The following FSTL5 variants were observed in gnomAD, a reference collection of about 807,000 sequenced individuals.
FSTL5 encodes follistatin-related protein 5.
FSTL5 carries 62 observed loss-of-function variants against 89.1 expected under a neutral mutation model. That is an observed-to-expected ratio of 0.70 (90% CI 0.57 to 0.86). The LOEUF (loss-of-function observed/expected upper bound fraction) is 0.86. FSTL5 is among the 40% of genes least tolerant of loss of function. FSTL5 has a pLI of 0.00. For synonymous variants in FSTL5, 383 were observed against 346.2 expected (o/e 1.11, Z -1.18); for missense variants, 1,057 against 1,001.6 (o/e 1.06, Z -0.75).
chr4:161,556,075 TA>T (rs1322951647), intron 8 of FSTL5, among the ~76,000 whole-genome samples: 2 of 151,616 alleles, frequency 1.3e-5, no homozygotes, highest in Non-Finnish European at 3.0e-5. Context: ...AAACCCTGTC[TA>T]AATACAATCT....
At chr4:161,393,064 T>G (rs1345552316) in intron 15 of FSTL5, among the ~76,000 whole-genome samples, 1 of 151,920 alleles carries the variant, frequency 6.6e-6, no homozygotes, top group Non-Finnish European at 1.5e-5. Flanking sequence ...CTTGGGAGGC[T>G]GCGGTGGGAG....
intron 4 of FSTL5, among the ~76,000 whole-genome samples, chr4:161,869,673 A>G (rs1223272318): frequency 6.6e-6 from 1 of 152,172 alleles, no homozygotes; most frequent in Non-Finnish European, 1.5e-5. Flanking sequence ...TGCATAGGAA[A>G]GCCCTCCAGA....
chr4:161,809,975 T>C (rs1481923623), intron 4 of FSTL5, among the ~76,000 whole-genome samples: 1 of 152,136 alleles, frequency 6.6e-6, no homozygotes, highest in Non-Finnish European at 1.5e-5. Context: ...AGTAATAGAC[T>C]CTGGAGTCAG....
intron 13 of FSTL5, among the ~76,000 whole-genome samples, chr4:161,479,140 G>A (rs1448319089): frequency 1.3e-5 from 2 of 151,968 alleles, no homozygotes; most frequent in South Asian, 4.1e-4. Context: ...AATGTGTTTA[G>A]ATACTAAGTT....
intron 5 of FSTL5, among the ~76,000 whole-genome samples, chr4:161,768,818 T>A (rs1356186630): frequency 1.3e-5 from 2 of 149,696 alleles, no homozygotes; most frequent in Admixed American, 6.7e-5. Context: ...AAACCCAAAG[T>A]CAATAGAATA....
intron 1 of FSTL5, among the ~76,000 whole-genome samples, chr4:162,146,508 T>C (rs185405645): frequency 2.8e-4 from 42 of 152,288 alleles, no homozygotes; most frequent in Non-Finnish European, 4.0e-4. Flanking sequence ...ACATATACTA[T>C]ATATCAGTTA....
intron 3 of FSTL5, among the ~76,000 whole-genome samples, chr4:161,945,140 T>G (rs1318892748): frequency 4.6e-5 from 7 of 152,158 alleles, no homozygotes; most frequent in Non-Finnish European, 1.0e-4. Context: ...TTATTTGCAC[T>G]GGCTATCAGC....
intron 4 of FSTL5, among the ~76,000 whole-genome samples, chr4:161,791,664 G>A (rs1442113850): frequency 6.6e-6 from 1 of 152,152 alleles, no homozygotes. Context: ...GGTATCAGTA[G>A]AAAATTCATT....
At chr4:161,761,045 T>A (rs1740775789) in intron 5 of FSTL5, among the ~76,000 whole-genome samples, 1 of 152,146 alleles carries the variant, frequency 6.6e-6, no homozygotes, top group Admixed American at 6.5e-5. Flanking sequence ...ACTCAGTGAG[T>A]TCTTTATTTT....
At chr4:162,049,984 T>C (rs1738327589) in intron 2 of FSTL5, among the ~76,000 whole-genome samples, 1 of 151,792 alleles carries the variant, frequency 6.6e-6, no homozygotes, top group South Asian at 2.1e-4. Flanking sequence ...AAGAAGAAGA[T>C]TAAATTAAGG....
chr4:161,684,264 T>C (rs1324398876), intron 6 of FSTL5, among the ~76,000 whole-genome samples: 1 of 152,162 alleles, frequency 6.6e-6, no homozygotes, highest in Non-Finnish European at 1.5e-5. Context: ...TTTTGTATAA[T>C]GACTTATTTT....
At position 161,471,476 on chromosome 4, in the gene FSTL5, A is replaced by T. The variant is rs188050089; in HGVS notation, c.1608+9544T>A. ...CGCTAATATTTAGTTGTGTATTTTT[A>T]CATCAGTGTTCATAAGGCATCTTGA... On this transcript the variant is annotated intron_variant, in intron 13 of 15. Coordinates refer to ENST00000306100, the MANE Select transcript of FSTL5 (RefSeq NM_020116.5). Among the ~76,000 whole-genome samples the T allele has an allele frequency of 2.3e-3, 350 of 152,290 alleles. 2 individuals are homozygous for T. Among genetic ancestry groups the T allele is most frequent in the African/African-American group, 7.8e-3 (324 of 41,570 alleles).
chr4:161,499,820 T>C (rs1403452099), intron 12 of FSTL5, among the ~76,000 whole-genome samples, 196 bp downstream of exon 12: 1 of 143,282 alleles, frequency 7.0e-6, no homozygotes, highest in Non-Finnish European at 1.6e-5. Flanking sequence ...TATTAGCAAA[T>C]TCTTAGGAAT....
At chr4:161,559,764 C>T (rs183343923) in intron 8 of FSTL5, among the ~76,000 whole-genome samples, 1 of 152,000 alleles carries the variant, frequency 6.6e-6, no homozygotes, top group Admixed American at 6.6e-5. Context: ...AATGAAGGTG[C>T]TACGTTCTGA....
At chr4:162,011,137 G>A (rs1374783839) in intron 3 of FSTL5, among the ~76,000 whole-genome samples, 1 of 152,082 alleles carries the variant, frequency 6.6e-6, no homozygotes, top group South Asian at 2.1e-4. Context: ...ACATGGCAGC[G>A]AAACTAGAGT....
At position 161,930,545 on chromosome 4, in the gene FSTL5, G is replaced by A. The variant is rs116647269; in HGVS notation, c.161-9893C>T. Among the ~76,000 whole-genome samples the A allele has an allele frequency of 5.4e-3, 812 of 151,424 alleles. 10 individuals are homozygous for A. The highest frequency in any genetic ancestry group is 0.019 in the African/African-American group (776 of 41,354). On this transcript the variant is annotated intron_variant, in intron 3 of 15. Coordinates refer to ENST00000306100, the MANE Select transcript of FSTL5 (RefSeq NM_020116.5). Reference sequence around the variant, plus strand: ...TGAGGATTACACCAATGTTAGTAGCGTTTTCAAAATAGCAAAACATAAGAA... The same window carrying A: ...TGAGGATTACACCAATGTTAGTAGCATTTTCAAAATAGCAAAACATAAGAA...
intron 13 of FSTL5, among the ~76,000 whole-genome samples, chr4:161,470,018 C>T (rs1733880781): frequency 6.6e-6 from 1 of 151,952 alleles, no homozygotes; most frequent in Non-Finnish European, 1.5e-5. Flanking sequence ...ATATGATTTG[C>T]ATATATCTTC....
At chr4:162,059,770 C>A (rs1738662387) in intron 2 of FSTL5, among the ~76,000 whole-genome samples, 1 of 152,094 alleles carries the variant, frequency 6.6e-6, no homozygotes, top group Non-Finnish European at 1.5e-5. Context: ...AGGGCAGGAT[C>A]ATGCTCAAAA....
At chr4:161,935,371 G>A (rs1224833199) in intron 3 of FSTL5, among the ~76,000 whole-genome samples, 1 of 152,112 alleles carries the variant, frequency 6.6e-6, no homozygotes, top group Middle Eastern at 3.4e-3. Context: ...TCAACAATGG[G>A]TGCTCAAAAA....
Sources: allele counts gnomAD v4.1 joint callset (sites outside exome capture counted in the v4.1 genomes callset), GRCh38; gene constraint gnomAD v4.1.1; transcripts MANE v1.5; gene names NCBI Gene and HGNC (gene_info 2026-07-23, HGNC 2026-07-21).